GLP2R: variants seen among roughly 807,000 people sequenced by gnomAD.
The protein encoded by GLP2R is glucagon like peptide 2 receptor, also known as glucagon-like peptide 2 receptor.
A neutral mutation model predicts 68.2 loss-of-function variants in GLP2R; 59 were observed. The observed-to-expected ratio is 0.87, with a 90% confidence interval of 0.70 to 1.07. GLP2R has a LOEUF of 1.07. Ranked by LOEUF, GLP2R falls within the 50% of genes least tolerant of loss-of-function variation. GLP2R has a pLI of 0.00. For synonymous variants in GLP2R, 270 were observed against 265.4 expected (o/e 1.02, Z -0.17); for missense variants, 548 against 677.4 (o/e 0.81, Z 2.12).
rs144688984 is a variant in GLP2R, at chr17:9,839,058, G to C, written c.382+2583G>C. Among the ~76,000 whole-genome samples the C allele has an allele frequency of 2.6e-5, 4 of 152,342 alleles. No homozygotes were observed. In the East Asian group the frequency reaches 7.7e-4, roughly 29 times the overall value. On this transcript the variant is annotated intron_variant, in intron 3 of 12. Coordinates refer to ENST00000262441, the MANE Select transcript of GLP2R (RefSeq NM_004246.3). ...GAAGGAAGCTGGGTGTTAGTCACTA[G>C]GGTTTCAAGCTTTCTTCTGTAGAGG... is the stretch of plus-strand genomic sequence containing the variant.
chr17:9,881,378 C>CCTTTTTTT (rs537961817), intron 11 of GLP2R, among the ~76,000 whole-genome samples: 2 of 95,644 alleles, frequency 2.1e-5, no homozygotes, highest in Non-Finnish European at 3.9e-5. Context: ...GCTGTCAGGC[C>CCTTTTTTT]TTTTTTTTTT....
rs10567375 is a variant in GLP2R at position 9,859,819 on chromosome 17, CAAAAAAA to C, written c.766-102_766-96del. ...CTGGCAACAGAGTGAGATTCTGTCT[CAAAAAAA>C]AAAAAAAAAAAAAAAAAAAAGAGGG... is the stretch of plus-strand genomic sequence containing the variant. On this transcript the variant is annotated intron_variant, in intron 6 of 12. Transcript: ENST00000262441. The C allele has an allele frequency of 1.7e-3, 245 of 143,826 alleles. 1 individual carries two copies. Among genetic ancestry groups the C allele is most frequent in the South Asian group, 0.012 (106 of 8,970 alleles). 8.9% of individuals were successfully genotyped at this position (143,826 alleles called of 1,614,324 possible). A position where few individuals can be genotyped will look rare whatever the true frequency, so the allele number is the denominator to read the frequency against.
chr17:9,882,795 A>G (rs60437375), intron 11 of GLP2R, among the ~76,000 whole-genome samples: 9,152 of 152,248 alleles, frequency 0.06, 919 homozygotes, highest in African/African-American at 0.21. Context: ...ATCACTGGCC[A>G]TATACCACAG....
At chr17:9,877,083 G>C (rs184288455) in intron 10 of GLP2R, among the ~76,000 whole-genome samples, 47 of 152,304 alleles carry the variant, frequency 3.1e-4, no homozygotes, top group African/African-American at 9.9e-4. Context: ...ACTGAGATTT[G>C]AACTCAGGCC....
At chr17:9,874,705 C>G (rs1359024702) in intron 10 of GLP2R, among the ~76,000 whole-genome samples, 1 of 152,174 alleles carries the variant, frequency 6.6e-6, no homozygotes, top group Non-Finnish European at 1.5e-5. Context: ...TTTTTAACGT[C>G]TGTGGAAGGT....
chr17:9,826,454 G>GT (rs201365259), intron 1 of GLP2R, among the ~76,000 whole-genome samples: 114 of 151,046 alleles, frequency 7.5e-4, no homozygotes, highest in South Asian at 1.9e-3. Flanking sequence ...CTATGCATTT[G>GT]TTTTTTTTTA....
intron 12 of GLP2R, 28 bp from the exon 13 acceptor site, chr17:9,889,342 G>C (rs2152051680): frequency 6.6e-7 from 1 of 1,511,266 alleles, no homozygotes; most frequent in Non-Finnish European, 9.2e-7. Flanking sequence ...CTCCAAGACA[G>C]TAACCTCTCA....
intron 9 of GLP2R, chr17:9,865,690 G>A: frequency 5.2e-6 from 2 of 386,066 alleles, no homozygotes; most frequent in Non-Finnish European, 1.0e-5. Context: ...TGGAAACTGA[G>A]TCCTTTATTA....
chr17:9,831,844 G>T (rs370970951), intron 1 of GLP2R, among the ~76,000 whole-genome samples: 5 of 152,154 alleles, frequency 3.3e-5, no homozygotes, highest in Admixed American at 1.3e-4. Flanking sequence ...AGGAGGTGGG[G>T]TCGATGGAAC....
intron 3 of GLP2R, among the ~76,000 whole-genome samples, chr17:9,839,708 G>A (rs1040008519): frequency 1.3e-5 from 2 of 152,132 alleles, no homozygotes; most frequent in African/African-American, 4.8e-5. Context: ...CCTGCTGCCT[G>A]GCCCTGCTGA....
At chr17:9,843,964 A>G (rs530271598) in intron 4 of GLP2R, among the ~76,000 whole-genome samples, 9 of 152,172 alleles carry the variant, frequency 5.9e-5, no homozygotes, top group African/African-American at 2.2e-4. Flanking sequence ...CGTTGCTGGG[A>G]GGGAAGTGTC....
At chr17:9,883,429 T>C (rs1317035733) in intron 11 of GLP2R, among the ~76,000 whole-genome samples, 1 of 152,130 alleles carries the variant, frequency 6.6e-6, no homozygotes, top group East Asian at 1.9e-4. Flanking sequence ...ATAGAAATGG[T>C]AGAATAAATA....
chr17:9,854,665 GA>G lies in GLP2R; in HGVS notation c.611+65del. 4.3e-6 allele frequency: 4 copies of G among 925,974 alleles called. No homozygotes were observed. The Admixed American group carries it at 5.1e-5, about 12-fold the overall frequency. The allele number at this position is 925,974 out of a possible 1,614,324, so 57.4% of individuals were successfully genotyped here. A position where few individuals can be genotyped will look rare whatever the true frequency, so the allele number is the denominator to read the frequency against. On this transcript the variant is annotated intron_variant, in intron 5 of 12. Transcript: ENST00000262441. The stretch of plus-strand genomic sequence containing the variant: ...TAGTAGCCCTCCTTCATCTACAGGG[GA>G]TATGTTCTAAGAGTTCCAGTAGATG...
At chr17:9,835,858 T>A (rs562530074) in intron 2 of GLP2R, among the ~76,000 whole-genome samples, 5 of 151,918 alleles carry the variant, frequency 3.3e-5, no homozygotes, top group Non-Finnish European at 5.9e-5. Context: ...CTGGCCAACA[T>A]AGTGAAACTG....
chr17:9,860,110 C>T lies in GLP2R; in HGVS notation c.925+9C>T, dbSNP rs755653059. 5 of 1,580,946 alleles carry T rather than the reference C, an allele frequency of 3.2e-6. No homozygotes were observed. Among genetic ancestry groups the T allele is most frequent in the South Asian group, 2.3e-5 (2 of 87,082 alleles). ...CCTGCTGTTGGGTTGGGGTGAGTGA[C>T]CTGACCTTCAGCTTCCTTTCCTGGG... On this transcript the variant is annotated intron_variant, in intron 7 of 12. Transcript: ENST00000262441.
At chr17:9,840,600 G>A (rs754637606) in intron 3 of GLP2R, among the ~76,000 whole-genome samples, 2 of 152,192 alleles carry the variant, frequency 1.3e-5, no homozygotes, top group Non-Finnish European at 1.5e-5. Flanking sequence ...TTATCAATAA[G>A]CATCATAAAT....
intron 10 of GLP2R, among the ~76,000 whole-genome samples, chr17:9,871,342 T>TC (rs2067090901): frequency 1.6e-5 from 2 of 125,648 alleles, no homozygotes; most frequent in African/African-American, 6.0e-5. Context: ...TGACCCTGTC[T>TC]CAAAAAAAAA....
At chr17:9,860,373 A>G (rs1044299396) in intron 7 of GLP2R, among the ~76,000 whole-genome samples, 6 of 152,156 alleles carry the variant, frequency 3.9e-5, no homozygotes, top group Admixed American at 2.6e-4. Context: ...CCTGTCCCCA[A>G]CTGTATTAGT....
At chr17:9,865,664 A>G (rs974750395) in intron 9 of GLP2R, among the ~76,000 whole-genome samples, 1 of 152,112 alleles carries the variant, frequency 6.6e-6, no homozygotes, top group Non-Finnish European at 1.5e-5. Flanking sequence ...TCTGCCTGAT[A>G]AATTCTCTTT....
Sources: gnomAD v4.1 joint callset for allele counts (sites outside exome capture counted in the v4.1 genomes callset) on GRCh38, gnomAD v4.1.1 for gene constraint, MANE v1.5 for transcripts, NCBI Gene and HGNC (gene_info 2026-07-23, HGNC 2026-07-21) for gene names.